Variants in ANAPC1 observed in about 807,000 individuals in gnomAD.
The protein encoded by ANAPC1 is anaphase promoting complex subunit 1.
In ANAPC1, 36 loss-of-function variants were observed where a neutral mutation model predicts 208.0. That is an observed-to-expected ratio of 0.17 (90% CI 0.13 to 0.23). ANAPC1 has a LOEUF of 0.23. Ranked by LOEUF, ANAPC1 falls within the 10% of genes least tolerant of loss-of-function variation. The pLI, the probability that ANAPC1 is intolerant of heterozygous loss-of-function variation, is 1.00. For synonymous variants in ANAPC1, 378 were observed against 695.2 expected (o/e 0.54, Z 7.18); for missense variants, 942 against 2,011.6 (o/e 0.47, Z 10.17).
chr2:111,853,709 T>C (rs1054017850), intron 13 of ANAPC1, among the ~76,000 whole-genome samples: 1 of 151,910 alleles, frequency 6.6e-6, no homozygotes, highest in Non-Finnish European at 1.5e-5. Context: ...AGGTGAATCC[T>C]TTCCAGAAGG....
intron 17 of ANAPC1, among the ~76,000 whole-genome samples, chr2:111,842,570 G>A (rs553852013): frequency 2.7e-5 from 4 of 150,480 alleles, no homozygotes; most frequent in Admixed American, 1.3e-4. Context: ...GTGAACCCAG[G>A]AGGCAGAGCC....
At chr2:111,787,260 T>C (rs926265919) in intron 39 of ANAPC1, among the ~76,000 whole-genome samples, 6 of 147,874 alleles carry the variant, frequency 4.1e-5, no homozygotes, top group Non-Finnish European at 9.0e-5. Flanking sequence ...CACTGTACCC[T>C]AGCCAATAAT....
chr2:111,859,847 C>T (rs2104550592), intron 10 of ANAPC1, among the ~76,000 whole-genome samples: 1 of 152,284 alleles, frequency 6.6e-6, no homozygotes, highest in South Asian at 2.1e-4. Context: ...CAATCATTTC[C>T]TCTGTTCTGT....
At chr2:111,777,114 T>C (rs1337931573) in intron 45 of ANAPC1, 57 bp from the exon 46 acceptor site, 1 of 517,326 alleles carries the variant, frequency 1.9e-6, no homozygotes, top group Non-Finnish European at 3.6e-6. Flanking sequence ...TGTCTCTTCA[T>C]CAGAGTTGTA....
At chr2:111,857,085 A>G (rs1262439831) in intron 11 of ANAPC1, 199 bp from the exon 12 acceptor site, 1 of 529,184 alleles carries the variant, frequency 1.9e-6, no homozygotes, top group Non-Finnish European at 3.4e-6. Flanking sequence ...GTATGTGACT[A>G]TAAGGAGTTA....
chr2:111,868,614 T>G (rs1413314624), intron 6 of ANAPC1, among the ~76,000 whole-genome samples: 1 of 152,120 alleles, frequency 6.6e-6, no homozygotes, highest in Non-Finnish European at 1.5e-5. Flanking sequence ...CACTACAACC[T>G]CCACCTCCCA....
chr2:111,866,379 C>G (rs1353481972), intron 7 of ANAPC1: 11 of 190,882 alleles, frequency 5.8e-5, no homozygotes, highest in African/African-American at 2.7e-4. Flanking sequence ...TTGTAAAGCC[C>G]ACAAGGACCA....
rs973089640 is a variant in ANAPC1, at chr2:111,808,119, G to A, written c.3832+828C>T. 2.0e-4 allele frequency among the ~76,000 whole-genome samples: 30 copies of A among 149,242 alleles called. 1 individual carries two copies. Among genetic ancestry groups the A allele is most frequent in the Admixed American group, 1.6e-3 (24 of 14,786 alleles). ...CAGAATGAGGCAGGTGAGGCAGAACGGCAGCAGAACAGCCGGCTACACATC... is the reference window on the plus strand; with the variant it reads ...CAGAATGAGGCAGGTGAGGCAGAACAGCAGCAGAACAGCCGGCTACACATC... On this transcript the variant is annotated intron_variant, in intron 29 of 47. Coordinates refer to ENST00000341068, the MANE Select transcript of ANAPC1 (RefSeq NM_022662.4).
intron 16 of ANAPC1, among the ~76,000 whole-genome samples, chr2:111,844,556 C>T (rs1193556560): frequency 7.5e-6 from 1 of 133,260 alleles, no homozygotes; most frequent in East Asian, 2.2e-4. Flanking sequence ...ATGACTAGAG[C>T]GAAACTCTGT....
intron 38 of ANAPC1, among the ~76,000 whole-genome samples, chr2:111,789,021 C>T (rs910700745): frequency 2.0e-5 from 3 of 152,278 alleles, no homozygotes; most frequent in African/African-American, 7.2e-5. Context: ...GCCTATAGTC[C>T]CAGCTACTTG....
At chr2:111,836,725 T>C (rs551164129) in intron 18 of ANAPC1, among the ~76,000 whole-genome samples, 1 of 152,024 alleles carries the variant, frequency 6.6e-6, no homozygotes, top group Non-Finnish European at 1.5e-5. Context: ...TCTCAGCACT[T>C]TGGGAGGCCA....
intron 21 of ANAPC1, among the ~76,000 whole-genome samples, chr2:111,830,335 A>T (rs1334630699): frequency 6.6e-6 from 1 of 152,170 alleles, no homozygotes; most frequent in Non-Finnish European, 1.5e-5. Context: ...ATCCAAATGA[A>T]ATAATAAAAA....
At chr2:111,867,433 G>T (rs7597495) in intron 7 of ANAPC1, among the ~76,000 whole-genome samples, 87,458 of 151,000 alleles carry the variant, frequency 0.58, 26,187 homozygotes, top group South Asian at 0.69. Flanking sequence ...GCTCACCCCT[G>T]TAATCTCAGA....
At chr2:111,865,937 G>T in intron 7 of ANAPC1, 1 of 213,506 alleles carries the variant, frequency 4.7e-6, no homozygotes, top group South Asian at 7.2e-5. Context: ...CTGGGCAGGT[G>T]GCTAACGCCT....
chr2:111,829,107 G>A (rs150438811), intron 21 of ANAPC1, among the ~76,000 whole-genome samples: 6,937 of 152,152 alleles, frequency 0.046, 382 homozygotes, highest in African/African-American at 0.13. Context: ...CCAGCTACTC[G>A]GGAGGCTGAG....
intron 3 of ANAPC1, among the ~76,000 whole-genome samples, chr2:111,874,408 C>T (rs1034855445): frequency 2.0e-5 from 3 of 151,998 alleles, no homozygotes; most frequent in Admixed American, 6.6e-5. Context: ...ACAGAAACTC[C>T]GTGCCCATTA....
rs189692789 is a variant in ANAPC1, at chr2:111,877,577, G to A, written c.375+1233C>T. Reference sequence around the variant, plus strand: ...GGGTAGATCACAAGGTCAGGAGATCGAGACCATCCTGGCTAACACAGTGAA... The same window carrying A: ...GGGTAGATCACAAGGTCAGGAGATCAAGACCATCCTGGCTAACACAGTGAA... On this transcript the variant is annotated intron_variant, in intron 3 of 47. Coordinates refer to ENST00000341068, the MANE Select transcript of ANAPC1 (RefSeq NM_022662.4). 1.0e-3 allele frequency among the ~76,000 whole-genome samples: 159 copies of A among 152,196 alleles called. 1 individual carries two copies. In the East Asian group the frequency reaches 0.024, roughly 23 times the overall value.
intron 18 of ANAPC1, among the ~76,000 whole-genome samples, chr2:111,836,609 T>C (rs1680481854): frequency 6.6e-6 from 1 of 151,420 alleles, no homozygotes; most frequent in South Asian, 2.1e-4. Context: ...ATAGCATCAC[T>C]GCAGTCCAGC....
At chr2:111,842,459 C>T (rs1484754110) in intron 17 of ANAPC1, among the ~76,000 whole-genome samples, 11 of 151,854 alleles carry the variant, frequency 7.2e-5, no homozygotes, top group African/African-American at 2.7e-4. Flanking sequence ...CTGGCTAACA[C>T]GGTGAAACCC....
Sources: allele counts gnomAD v4.1 joint callset (sites outside exome capture counted in the v4.1 genomes callset), GRCh38; gene constraint gnomAD v4.1.1; transcripts MANE v1.5; gene names NCBI Gene and HGNC (gene_info 2026-07-23, HGNC 2026-07-21).